SMUG1: variants seen among roughly 807,000 people sequenced by gnomAD.
The protein encoded by SMUG1 is single-strand selective monofunctional uracil DNA glycosylase.
SMUG1 carries 13 observed loss-of-function variants against 23.9 expected under a neutral mutation model. The observed-to-expected ratio is 0.54, with a 90% CI of 0.35 to 0.86. The LOEUF is 0.86. SMUG1 is among the 40% of genes least tolerant of loss of function. SMUG1 has a pLI of 0.01. For synonymous variants in SMUG1, 133 were observed against 139.8 expected (o/e 0.95, Z 0.34); for missense variants, 313 against 339.5 (o/e 0.92, Z 0.61).
At chr12:54,169,474 T>C (rs1330499478) in intron 3 of SMUG1, among the ~76,000 whole-genome samples, 2 of 144,200 alleles carry the variant, frequency 1.4e-5, no homozygotes, top group Admixed American at 6.9e-5. Context: ...GTTAGGGCAA[T>C]AAAAGGTGAT....
chr12:54,169,110 G>A (rs1405529295), intron 3 of SMUG1, among the ~76,000 whole-genome samples: 1 of 152,134 alleles, frequency 6.6e-6, no homozygotes, highest in African/African-American at 2.4e-5. Flanking sequence ...GGTCACATCT[G>A]GGGGGAAATG....
chr12:54,172,855 T>A (rs1363242067), intron 2 of SMUG1: 1 of 152,566 alleles, frequency 6.6e-6, no homozygotes. Context: ...CACCACCTGC[T>A]CCCACTCTTC....
intron 3 of SMUG1, among the ~76,000 whole-genome samples, chr12:54,171,855 C>T (rs753060080): frequency 1.1e-4 from 16 of 152,098 alleles, no homozygotes; most frequent in Non-Finnish European, 1.9e-4. Flanking sequence ...ATGGCAAATC[C>T]ATTGCTGTGG....
intron 2 of SMUG1, among the ~76,000 whole-genome samples, chr12:54,184,770 T>C (rs1565828775): frequency 6.6e-6 from 1 of 152,198 alleles, no homozygotes; most frequent in African/African-American, 2.4e-5. Context: ...GTAGGATGAT[T>C]ACAGACTCCT....
At chr12:54,186,350 GTT>G (rs113586007) in intron 2 of SMUG1, among the ~76,000 whole-genome samples, 1 of 74,550 alleles carries the variant, frequency 1.3e-5, no homozygotes, top group African/African-American at 3.8e-5. Flanking sequence ...GTTTTGTTTT[GTT>G]TTTTTTTTGA....
chr12:54,181,592 C>T lies in SMUG1; in HGVS notation c.*504G>A, dbSNP rs1420538354. The T allele has an allele frequency of 6.4e-7, 1 of 1,573,974 alleles. No homozygotes were observed. Among genetic ancestry groups the T allele is most frequent in the South Asian group, 1.2e-5 (1 of 86,916 alleles). On this transcript the variant is annotated 3_prime_UTR_variant, in exon 4 of 4. Transcript: ENST00000682136. ...CTGGATTTTTCCTCTGATCCAGCTG[C>T]AGCCTCCCATAAGAAGTTCACTCTT... is the stretch of plus-strand genomic sequence containing the variant.
Position 54,183,942 on chromosome 12 carries a change from T to G in SMUG1, c.-2A>C, listed in dbSNP as rs759709758. The G allele has an allele frequency of 9.1e-6, 14 of 1,539,850 alleles. No homozygotes were observed. The highest frequency in any genetic ancestry group is 1.2e-5 in the Non-Finnish European group (14 of 1,144,026). ...CCCCAGCAGGAAAGCCTGGGGCATA[T>G]GTCCATGCCGCTGTCACCTGGGAAA... is the stretch of plus-strand genomic sequence containing the variant. On this transcript the variant is annotated 5_prime_UTR_variant, in exon 3 of 4. Coordinates refer to ENST00000682136, the MANE Select transcript of SMUG1 (RefSeq NM_001243787.2).
chr12:54,182,732 C>G (rs1941405116), intron 3 of SMUG1, 109 bp from the exon 4 acceptor site: 1 of 1,492,512 alleles, frequency 6.7e-7, no homozygotes, highest in Non-Finnish European at 8.9e-7. Flanking sequence ...CCTGCACCCC[C>G]TACCCCTACC....
intron 2 of SMUG1, among the ~76,000 whole-genome samples, chr12:54,186,382 G>A (rs761933776): frequency 2.0e-5 from 3 of 150,018 alleles, no homozygotes; most frequent in Admixed American, 6.7e-5. Context: ...TTGCTCTGTC[G>A]CCCAGACTGG....
At chr12:54,184,079 T>A in intron 2 of SMUG1, 120 bp from the exon 3 acceptor site, 1 of 807,766 alleles carries the variant, frequency 1.2e-6, no homozygotes, top group Non-Finnish European at 1.9e-6. Context: ...AGAGACCATG[T>A]CAGTCATCTA....
intron 2 of SMUG1, among the ~76,000 whole-genome samples, chr12:54,184,831 C>T (rs1003447778): frequency 2.6e-5 from 4 of 152,300 alleles, no homozygotes; most frequent in East Asian, 1.9e-4. Context: ...AGGTTTCCAC[C>T]TTCAAATACA....
downstream of SMUG1, among the ~76,000 whole-genome samples, chr12:54,162,979 C>G (rs377354600): frequency 6.6e-6 from 1 of 152,184 alleles, no homozygotes; most frequent in Non-Finnish European, 1.5e-5. Flanking sequence ...AGGGAGCTGT[C>G]GGGCTAGGAG....
chr12:54,185,222 T>C (rs1480839420), intron 2 of SMUG1, among the ~76,000 whole-genome samples: 1 of 151,526 alleles, frequency 6.6e-6, no homozygotes, highest in Non-Finnish European at 1.5e-5. Context: ...GCAGAATCAT[T>C]TGAACCTGAA....
downstream of SMUG1, among the ~76,000 whole-genome samples, chr12:54,179,813 CTATACT>C (rs1940845956): frequency 1.3e-5 from 2 of 152,268 alleles, no homozygotes; most frequent in East Asian, 3.9e-4. Context: ...CAGGAAAACT[CTATACT>C]TATGATTATG....
At chr12:54,186,514 G>A (rs545979033) in intron 2 of SMUG1, among the ~76,000 whole-genome samples, 26 of 152,112 alleles carry the variant, frequency 1.7e-4, no homozygotes, top group Non-Finnish European at 3.4e-4. Flanking sequence ...GCTAATTTTC[G>A]TATTTTCAGT....
At chr12:54,168,387 G>C (rs548364493) in intron 3 of SMUG1, 2 of 152,148 alleles carry the variant, frequency 1.3e-5, no homozygotes, top group African/African-American at 2.4e-5. Flanking sequence ...CCCTGGAAGC[G>C]TGGTACCAAT....
At chr12:54,176,517 A>ACCCCGC (rs1247915453), downstream of SMUG1, among the ~76,000 whole-genome samples, 2 of 74,998 alleles carry the variant, frequency 2.7e-5, no homozygotes, top group East Asian at 3.6e-4. Flanking sequence ...TCCCCCCCCA[A>ACCCCGC]AAAAAAAGGC....
chr12:54,161,707 T>C (rs1297054330), downstream of SMUG1, among the ~76,000 whole-genome samples: 1 of 152,196 alleles, frequency 6.6e-6, no homozygotes, highest in African/African-American at 2.4e-5. This position sits in a 1 kb window ranked among gnomAD's most constrained non-coding sequence, Gnocchi z 4.2. Flanking sequence ...TACATCCACC[T>C]GTTCTTCTTT....
intron 3 of SMUG1, among the ~76,000 whole-genome samples, chr12:54,169,890 G>A (rs1216429571): frequency 6.6e-6 from 1 of 152,164 alleles, no homozygotes; most frequent in Admixed American, 6.5e-5. Context: ...CCTAATGGCA[G>A]GGCGACATTA....
Sources: allele counts gnomAD v4.1 joint callset (sites outside exome capture counted in the v4.1 genomes callset), GRCh38; gene constraint gnomAD v4.1.1; non-coding constraint Gnocchi (gnomAD v3.1); transcripts MANE v1.5; gene names NCBI Gene and HGNC (gene_info 2026-07-23, HGNC 2026-07-21).